CTNNA2: variants seen among roughly 807,000 people sequenced by gnomAD.
CTNNA2 encodes the protein catenin alpha-2.
In CTNNA2, 42 loss-of-function variants were observed where a neutral mutation model predicts 101.0. The observed-to-expected ratio is 0.42, with a 90% confidence interval of 0.32 to 0.54. The LOEUF is 0.54. CTNNA2 is among the 20% of genes least tolerant of loss of function. The pLI, the probability that CTNNA2 is intolerant of heterozygous loss-of-function variation, is 0.14. For missense variants in CTNNA2, 871 were observed against 1,223.1 expected (o/e 0.71, Z 4.29); for synonymous variants, 450 against 456.4 (o/e 0.99, Z 0.18).
At chr2:80,293,714 G>A (rs550869992) in intron 7 of CTNNA2, among the ~76,000 whole-genome samples, 2 of 152,248 alleles carry the variant, frequency 1.3e-5, no homozygotes, top group East Asian at 1.9e-4. Context: ...CCACTCCACC[G>A]ATCAGTGTCC....
chr2:80,016,549 A>C (rs1366959717), intron 7 of CTNNA2, among the ~76,000 whole-genome samples: 2 of 152,192 alleles, frequency 1.3e-5, no homozygotes, highest in Non-Finnish European at 2.9e-5. Flanking sequence ...TCCTGAAAAG[A>C]GATTTTGCCT....
chr2:79,573,687 A>G (rs546363115), intron 1 of CTNNA2: 5 of 152,364 alleles, frequency 3.3e-5, no homozygotes, highest in African/African-American at 1.2e-4. Flanking sequence ...ACACAAGAAA[A>G]TAATAATAAA....
intron 7 of CTNNA2, among the ~76,000 whole-genome samples, chr2:80,358,333 T>C (rs1192606180): frequency 1.3e-5 from 2 of 148,790 alleles, no homozygotes; most frequent in Non-Finnish European, 3.0e-5. Flanking sequence ...TCTACGTCAG[T>C]AGTATTCTAC....
intron 3 of CTNNA2, among the ~76,000 whole-genome samples, chr2:79,811,546 G>A (rs1677040034): frequency 6.6e-6 from 1 of 151,984 alleles, no homozygotes; most frequent in Non-Finnish European, 1.5e-5. Flanking sequence ...ATACATGTAA[G>A]GATCTATTTT....
intron 1 of CTNNA2, among the ~76,000 whole-genome samples, chr2:79,548,920 G>A (rs1208396853): frequency 6.6e-6 from 1 of 152,088 alleles, no homozygotes; most frequent in Non-Finnish European, 1.5e-5. Flanking sequence ...CCCAATCCCA[G>A]GCACTTGAGC....
At chr2:79,918,549 GC>G (rs1686422734) in intron 7 of CTNNA2, among the ~76,000 whole-genome samples, 1 of 152,124 alleles carries the variant, frequency 6.6e-6, no homozygotes, top group African/African-American at 2.4e-5. Context: ...TGCTGTCTTG[GC>G]CTTTAAAGAG....
chr2:80,078,682 C>T (rs1319001505), intron 7 of CTNNA2, among the ~76,000 whole-genome samples: 1 of 152,198 alleles, frequency 6.6e-6, no homozygotes, highest in East Asian at 1.9e-4. Context: ...TTTGTGAAAT[C>T]TAACAAACAT....
chr2:79,323,598 T>A (rs13391885), intron 3 of CTNNA2, among the ~76,000 whole-genome samples: 22,000 of 152,214 alleles, frequency 0.14, 1,673 homozygotes, highest in East Asian at 0.17. Flanking sequence ...TCTGGCATGT[T>A]ACCTTCTTCA....
chr2:80,392,016 G>A (rs973038303), intron 7 of CTNNA2, among the ~76,000 whole-genome samples: 2 of 152,182 alleles, frequency 1.3e-5, no homozygotes, highest in East Asian at 1.9e-4. Flanking sequence ...AGAAAAAATA[G>A]TTAATTAAGC....
intron 16 of CTNNA2, 112 bp downstream of exon 16, chr2:80,604,291 G>A (rs1223600953): frequency 2.6e-6 from 2 of 772,040 alleles, no homozygotes; most frequent in Admixed American, 2.0e-5. Context: ...ATGAATCAGA[G>A]GGGAGAATCA....
chr2:80,094,523 T>C (rs1391574160), intron 7 of CTNNA2, among the ~76,000 whole-genome samples: 1 of 152,126 alleles, frequency 6.6e-6, no homozygotes, highest in Non-Finnish European at 1.5e-5. Context: ...TTTAAAGTAG[T>C]TTTTTCTAAT....
chr2:79,936,943 A>G (rs1368747267), intron 7 of CTNNA2, among the ~76,000 whole-genome samples: 1 of 152,094 alleles, frequency 6.6e-6, no homozygotes, highest in African/African-American at 2.4e-5. Flanking sequence ...CGAAAGAGCC[A>G]CTTTTCTTAT....
In CTNNA2 at chr2:80,615,355, G is replaced by A. The variant is rs112411747; in HGVS notation, c.2431-3730G>A. Among the ~76,000 whole-genome samples, 1,327 of 151,590 alleles carry A rather than the reference G, an allele frequency of 8.8e-3. 19 individuals carry two copies. The highest frequency in any genetic ancestry group is 0.029 in the African/African-American group (1,221 of 41,446). ...CTGCATTTATTTGTTGTTCACATAA[G>A]AATATTTTCTGATTCATTCACTGAA... On this transcript the variant is annotated intron_variant, in intron 17 of 18. Transcript: ENST00000402739.
intron 7 of CTNNA2, among the ~76,000 whole-genome samples, chr2:79,976,099 C>T (rs763783501): frequency 6.6e-6 from 1 of 152,138 alleles, no homozygotes; most frequent in Non-Finnish European, 1.5e-5. Context: ...TCTGGAAATT[C>T]TAAGGGTTTT....
chr2:79,637,462 A>G (rs1680150995), intron 1 of CTNNA2, among the ~76,000 whole-genome samples: 1 of 152,182 alleles, frequency 6.6e-6, no homozygotes, highest in Non-Finnish European at 1.5e-5. Flanking sequence ...TAGAATGATT[A>G]TGGCTGATGC....
At chr2:79,842,760 A>T (rs1679924306) in intron 3 of CTNNA2, among the ~76,000 whole-genome samples, 2 of 151,542 alleles carry the variant, frequency 1.3e-5, no homozygotes, top group Admixed American at 6.6e-5. Flanking sequence ...TCACTGTGAG[A>T]TTTTATATTT....
intron 7 of CTNNA2, among the ~76,000 whole-genome samples, chr2:80,309,599 G>T (rs1186322736): frequency 6.6e-6 from 1 of 152,130 alleles, no homozygotes; most frequent in Non-Finnish European, 1.5e-5. Flanking sequence ...GCTAAGGATG[G>T]CTATCTCAGA....
At chr2:79,215,041 C>G (rs1414609885) in intron 2 of CTNNA2, among the ~76,000 whole-genome samples, 1 of 152,114 alleles carries the variant, frequency 6.6e-6, no homozygotes, top group African/African-American at 2.4e-5. Context: ...CCGTGATGGT[C>G]TAGGGGGCTT....
chr2:80,105,013 A>G (rs909333100), intron 7 of CTNNA2, among the ~76,000 whole-genome samples: 3 of 152,212 alleles, frequency 2.0e-5, no homozygotes, highest in Non-Finnish European at 2.9e-5. Context: ...CTGATTGTCA[A>G]CAGTTTTACA....
Sources: allele counts gnomAD v4.1 joint callset (sites outside exome capture counted in the v4.1 genomes callset), GRCh38; gene constraint gnomAD v4.1.1; transcripts MANE v1.5; gene names NCBI Gene and HGNC (gene_info 2026-07-23, HGNC 2026-07-21).